THSD7B: variants seen among roughly 807,000 people sequenced by gnomAD.
The protein encoded by THSD7B is thrombospondin type 1 domain containing 7B.
A neutral mutation model predicts 213.6 loss-of-function variants in THSD7B; 138 were observed. The ratio of observed to expected loss-of-function variants is 0.65; its 90% CI spans 0.56 to 0.74. The LOEUF is 0.74. THSD7B is among the 30% of genes least tolerant of loss of function. The pLI is 0.00. For missense variants in THSD7B, 1,931 were observed against 1,991.5 expected, an observed-to-expected ratio of 0.97 and a Z score of 0.58; for synonymous variants, 742 against 687.0, an observed-to-expected ratio of 1.08 and a Z score of -1.25.
At chr2:136,969,073 A>G (rs1206512523) in intron 2 of THSD7B, among the ~76,000 whole-genome samples, 3 of 152,260 alleles carry the variant, frequency 2.0e-5, no homozygotes, top group African/African-American at 7.2e-5. Context: ...TTGAGTTCAT[A>G]AAAAGATGTC....
intron 21 of THSD7B, among the ~76,000 whole-genome samples, chr2:137,647,765 C>A (rs1683063814): frequency 6.6e-6 from 1 of 152,150 alleles, no homozygotes; most frequent in African/African-American, 2.4e-5. Flanking sequence ...CACCCCATGA[C>A]CTGTCTGGAA....
chr2:137,275,272 A>G (rs1450021060), intron 11 of THSD7B, among the ~76,000 whole-genome samples: 1 of 152,070 alleles, frequency 6.6e-6, no homozygotes, highest in East Asian at 1.9e-4. Flanking sequence ...CCTAAGATTA[A>G]CTATCAGATA....
chr2:136,945,801 G>A (rs1170656871), intron 2 of THSD7B, among the ~76,000 whole-genome samples: 3 of 152,126 alleles, frequency 2.0e-5, no homozygotes, highest in Non-Finnish European at 2.9e-5. Context: ...TGGTTCTCAC[G>A]CCATGGTTTT....
intron 20 of THSD7B, among the ~76,000 whole-genome samples, chr2:137,624,665 G>T (rs1245853959): frequency 1.3e-5 from 2 of 152,118 alleles, no homozygotes; most frequent in African/African-American, 2.4e-5. Flanking sequence ...GTGGGTGAAG[G>T]ATATGAACAG....
chr2:137,607,374 A>G (rs1573740077), intron 17 of THSD7B, among the ~76,000 whole-genome samples: 1 of 152,302 alleles, frequency 6.6e-6, no homozygotes, highest in East Asian at 1.9e-4. Flanking sequence ...GAACCATTTC[A>G]GTATATGTTG....
intron 6 of THSD7B, among the ~76,000 whole-genome samples, chr2:137,168,647 A>G (rs1334204448): frequency 6.6e-6 from 1 of 152,230 alleles, no homozygotes; most frequent in Non-Finnish European, 1.5e-5. Flanking sequence ...TCCAAATAAT[A>G]GGACACCCAG....
chr2:137,480,673 T>C (rs1286149457), intron 15 of THSD7B, among the ~76,000 whole-genome samples: 1 of 152,244 alleles, frequency 6.6e-6, no homozygotes, highest in African/African-American at 2.4e-5. Context: ...TCCAATTAAT[T>C]ATAACTCAAA....
intron 2 of THSD7B, among the ~76,000 whole-genome samples, chr2:136,966,718 C>T (rs991079449): frequency 7.2e-5 from 11 of 152,092 alleles, no homozygotes; most frequent in African/African-American, 1.2e-4. Flanking sequence ...CTCTCTTTTC[C>T]GTGTCGTCTT....
chr2:137,017,336 G>A (rs562302563), intron 2 of THSD7B, among the ~76,000 whole-genome samples: 1 of 151,744 alleles, frequency 6.6e-6, no homozygotes, highest in South Asian at 2.1e-4. Context: ...AATTTTGGTG[G>A]TTAGGGGATA....
intron 2 of THSD7B, among the ~76,000 whole-genome samples, chr2:136,885,567 G>A (rs1175442851): frequency 1.3e-5 from 2 of 152,158 alleles, no homozygotes; most frequent in Non-Finnish European, 2.9e-5. Context: ...AATGTTGTTT[G>A]CGGTTTTAAG....
intron 4 of THSD7B, 75 bp from the exon 5 acceptor site, chr2:137,115,049 A>G (rs1688420019): frequency 9.6e-6 from 15 of 1,559,070 alleles, no homozygotes; most frequent in Non-Finnish European, 1.3e-5. Context: ...TCTTGATGTC[A>G]TGACTTAAGT....
chr2:136,908,388 C>A (rs1222764919), intron 2 of THSD7B, among the ~76,000 whole-genome samples: 2 of 152,172 alleles, frequency 1.3e-5, no homozygotes, highest in East Asian at 3.8e-4. Flanking sequence ...TATATTACAT[C>A]TGAGGAAACT....
chr2:137,506,093 A>G (rs2105144375), intron 15 of THSD7B, among the ~76,000 whole-genome samples: 1 of 152,206 alleles, frequency 6.6e-6, no homozygotes, highest in Non-Finnish European at 1.5e-5. Flanking sequence ...CCTGAGGAGG[A>G]GGGCGGCTGA....
chr2:137,186,798 GA>G (rs1227717442), intron 7 of THSD7B, among the ~76,000 whole-genome samples: 1 of 151,984 alleles, frequency 6.6e-6, no homozygotes, highest in Non-Finnish European at 1.5e-5. Context: ...ACATTGTTTT[GA>G]ACAGTATGAC....
At chr2:137,031,794 C>T (rs1471605621) in intron 2 of THSD7B, among the ~76,000 whole-genome samples, 1 of 150,898 alleles carries the variant, frequency 6.6e-6, no homozygotes, top group Admixed American at 6.6e-5. Flanking sequence ...TTATCCATGT[C>T]TTAAATCACT....
intron 12 of THSD7B, among the ~76,000 whole-genome samples, chr2:137,309,432 T>G (rs368901485): frequency 6.6e-6 from 1 of 151,808 alleles, no homozygotes; most frequent in Admixed American, 6.6e-5. Flanking sequence ...ATTTTTAAAC[T>G]TCCTTATGAA....
At chr2:137,103,630 A>G (rs1688189510) in intron 4 of THSD7B, among the ~76,000 whole-genome samples, 1 of 152,150 alleles carries the variant, frequency 6.6e-6, no homozygotes, top group Admixed American at 6.5e-5. Context: ...TGTTGTATTC[A>G]GGAGACCCAT....
At chr2:137,456,239 T>C (rs1269795234) in intron 15 of THSD7B, among the ~76,000 whole-genome samples, 1 of 152,156 alleles carries the variant, frequency 6.6e-6, no homozygotes, top group Non-Finnish European at 1.5e-5. Flanking sequence ...AGCAGGGTAA[T>C]GATGTTTTTA....
intron 2 of THSD7B, among the ~76,000 whole-genome samples, chr2:136,950,135 C>T (rs573279688): frequency 6.6e-6 from 1 of 152,222 alleles, no homozygotes; most frequent in African/African-American, 2.4e-5. Context: ...GGCTGTAGTC[C>T]CAGCTACTTG....
Sources: allele counts gnomAD v4.1 joint callset (sites outside exome capture counted in the v4.1 genomes callset), GRCh38; gene constraint gnomAD v4.1.1; transcripts MANE v1.5; gene names NCBI Gene and HGNC (gene_info 2026-07-23, HGNC 2026-07-21).